CTNNA3: variants seen among roughly 807,000 people sequenced by gnomAD.
CTNNA3 encodes the protein catenin alpha-3.
CTNNA3 carries 76 observed loss-of-function variants against 95.7 expected under a neutral mutation model. The ratio of observed to expected loss-of-function variants is 0.79; its 90% CI spans 0.66 to 0.96. The LOEUF (loss-of-function observed/expected upper bound fraction) is 0.96. Among genes scored for constraint, CTNNA3 ranks in the 40% least tolerant of loss-of-function variants. The pLI, the probability that CTNNA3 is intolerant of heterozygous loss-of-function variation, is 0.00. For synonymous variants in CTNNA3, 431 were observed against 374.4 expected, an observed-to-expected ratio of 1.15 and a Z score of -1.74; for missense variants, 1,191 against 1,089.8, an observed-to-expected ratio of 1.09 and a Z score of -1.31.
At chr10:66,035,396 A>G (rs1159062262) in intron 15 of CTNNA3, among the ~76,000 whole-genome samples, 5 of 152,164 alleles carry the variant, frequency 3.3e-5, no homozygotes, top group African/African-American at 1.2e-4. Flanking sequence ...AAATAACTAA[A>G]CAAAAGTTAA....
chr10:67,387,788 C>T (rs919901722), intron 5 of CTNNA3, among the ~76,000 whole-genome samples: 1 of 152,204 alleles, frequency 6.6e-6, no homozygotes, highest in East Asian at 1.9e-4. Flanking sequence ...AGGCACCCTC[C>T]AGCAGGAGCA....
chr10:65,992,943 TTTTC>T (rs1342786857), intron 15 of CTNNA3, among the ~76,000 whole-genome samples: 1 of 152,148 alleles, frequency 6.6e-6, no homozygotes, highest in Non-Finnish European at 1.5e-5. Context: ...TGTGTTTTTA[TTTTC>T]TTTCTTTTTC....
intron 17 of CTNNA3, among the ~76,000 whole-genome samples, chr10:65,959,828 AT>A (rs1403952086): frequency 2.0e-5 from 3 of 152,076 alleles, no homozygotes; most frequent in Non-Finnish European, 4.4e-5. Context: ...TCCCCTCTTT[AT>A]TTGATAAAGG....
intron 5 of CTNNA3, among the ~76,000 whole-genome samples, chr10:67,476,621 G>A (rs1425555876): frequency 6.6e-6 from 1 of 151,582 alleles, no homozygotes; most frequent in Non-Finnish European, 1.5e-5. Context: ...TTCCTGCAAA[G>A]AGATCGTAGT....
chr10:66,211,317 T>C (rs68188112), intron 13 of CTNNA3, among the ~76,000 whole-genome samples: 6,142 of 152,242 alleles, frequency 0.04, 161 homozygotes, highest in African/African-American at 0.043. Context: ...TCAACCTTTG[T>C]CACACAAAAG....
intron 5 of CTNNA3, among the ~76,000 whole-genome samples, chr10:67,349,130 A>G (rs1263489198): frequency 6.6e-6 from 1 of 152,168 alleles, no homozygotes; most frequent in East Asian, 1.9e-4. Context: ...TATGGCCGCT[A>G]TGGAAAACAA....
At chr10:66,680,528 A>G (rs531961819) in intron 9 of CTNNA3, among the ~76,000 whole-genome samples, 40 of 152,256 alleles carry the variant, frequency 2.6e-4, no homozygotes, top group Non-Finnish European at 5.0e-4. Context: ...GAACAGCAAC[A>G]TTTCCTTCAG....
chr10:67,419,411 A>G (rs184855127), intron 5 of CTNNA3, among the ~76,000 whole-genome samples: 143 of 151,608 alleles, frequency 9.4e-4, no homozygotes, highest in Middle Eastern at 3.4e-3. Flanking sequence ...CAGATTTGTT[A>G]TGTGGGAATA....
chr10:66,648,644 A>G lies in CTNNA3; in HGVS notation c.1282-26860T>C, dbSNP rs550192850. Among the ~76,000 whole-genome samples, 3 of 151,610 alleles carry G rather than the reference A, an allele frequency of 2.0e-5. No individual in the cohort carries two copies. In the South Asian group the frequency reaches 6.3e-4, roughly 32 times the overall value. ...ATTATAAGAAATATTCTAGCTACAT[A>G]CAAGAAAAAATGATTGTAAAAAAAT... is the stretch of plus-strand genomic sequence containing the variant. On this transcript the variant is annotated intron_variant, in intron 9 of 17. Transcript: ENST00000433211.
intron 7 of CTNNA3, among the ~76,000 whole-genome samples, chr10:66,855,419 T>G (rs1252491900): frequency 1.3e-5 from 2 of 151,952 alleles, no homozygotes; most frequent in Non-Finnish European, 2.9e-5. Flanking sequence ...ATATGATAAG[T>G]GTAATAAGTC....
At chr10:66,406,854 A>T (rs12220652) in intron 11 of CTNNA3, among the ~76,000 whole-genome samples, 1 of 152,172 alleles carries the variant, frequency 6.6e-6, no homozygotes, top group African/African-American at 2.4e-5. Flanking sequence ...TAATTTTTCC[A>T]TGACTATTTA....
At chr10:67,430,327 G>A (rs1346519538) in intron 5 of CTNNA3, among the ~76,000 whole-genome samples, 1 of 151,862 alleles carries the variant, frequency 6.6e-6, no homozygotes, top group Admixed American at 6.6e-5. Context: ...TTTACCAGCT[G>A]TGTAATCAAG....
At chr10:66,181,369 T>G (rs2131856908) in intron 13 of CTNNA3, among the ~76,000 whole-genome samples, 1 of 152,280 alleles carries the variant, frequency 6.6e-6, no homozygotes, top group African/African-American at 2.4e-5. Flanking sequence ...GTTTCAGAAC[T>G]TAAACTCTAA....
At chr10:66,521,810 T>C (rs1364732864) in intron 10 of CTNNA3, among the ~76,000 whole-genome samples, 1 of 152,148 alleles carries the variant, frequency 6.6e-6, no homozygotes, top group East Asian at 1.9e-4. Context: ...GATTGTGATG[T>C]CTTCAGAATT....
At chr10:67,063,432 G>GA (rs1225037653) in intron 7 of CTNNA3, among the ~76,000 whole-genome samples, 4 of 152,146 alleles carry the variant, frequency 2.6e-5, no homozygotes, top group African/African-American at 4.8e-5. Context: ...ATTCATTAAA[G>GA]AAAAGGTTAT....
chr10:66,334,794 G>T (rs967862962), intron 12 of CTNNA3, among the ~76,000 whole-genome samples: 23 of 151,992 alleles, frequency 1.5e-4, no homozygotes, highest in African/African-American at 5.6e-4. Flanking sequence ...TGCTAGATTG[G>T]GGAAGTTCTC....
At chr10:66,414,027 T>C (rs1007006375) in intron 11 of CTNNA3, among the ~76,000 whole-genome samples, 2 of 152,230 alleles carry the variant, frequency 1.3e-5, no homozygotes, top group African/African-American at 4.8e-5. Flanking sequence ...CTTACAGATA[T>C]ATCTTTTAAG....
At chr10:66,369,404 G>T (rs1276302832) in intron 12 of CTNNA3, among the ~76,000 whole-genome samples, 1 of 152,116 alleles carries the variant, frequency 6.6e-6, no homozygotes, top group South Asian at 2.1e-4. Context: ...TCTGCTCTCA[G>T]AATTGTTCTT....
intron 2 of CTNNA3, among the ~76,000 whole-genome samples, chr10:67,625,113 C>A (rs1036397971): frequency 5.3e-5 from 8 of 152,114 alleles, no homozygotes; most frequent in African/African-American, 1.9e-4. Flanking sequence ...GGACTAGGAA[C>A]CCGGAGGTAC....
Sources: allele counts gnomAD v4.1 joint callset (sites outside exome capture counted in the v4.1 genomes callset), GRCh38; gene constraint gnomAD v4.1.1; transcripts MANE v1.5; gene names NCBI Gene and HGNC (gene_info 2026-07-23, HGNC 2026-07-21).